UNC13C: variants seen among roughly 807,000 people sequenced by gnomAD.
The protein encoded by UNC13C is protein unc-13 homolog C.
A neutral mutation model predicts 245.4 loss-of-function variants in UNC13C; 174 were observed. The ratio of observed to expected loss-of-function variants is 0.71; its 90% CI spans 0.63 to 0.80. The LOEUF (loss-of-function observed/expected upper bound fraction) is 0.80, where lower values mean the gene tolerates loss of function less well. Ranked by LOEUF, UNC13C falls within the 30% of genes least tolerant of loss-of-function variation. UNC13C has a pLI of 0.00. For missense variants in UNC13C, 2,829 were observed against 2,602.9 expected (o/e 1.09, Z -1.89); for synonymous variants, 992 against 895.1 (o/e 1.11, Z -1.93).
intron 10 of UNC13C, among the ~76,000 whole-genome samples, chr15:54,280,669 C>T (rs539218865): frequency 0.093 from 12,823 of 137,526 alleles, 678 homozygotes; most frequent in South Asian, 0.16. Flanking sequence ...TATATACATA[C>T]ATATACATAT....
Position 54,500,854 on chromosome 15 carries a change from A to G in UNC13C, c.5177A>G (p.His1726Arg). Reference protein sequence around the residue: ...KKDGFQQTSEHALFSCSVVDV... With the variant: ...KKDGFQQTSERALFSCSVVDV... ...CCACAGTTCCAGCAGACATCTGAGC[A>G]TGCTCTCTTTTCTTGCTCCGTGGTT... The change falls in exon 22 of 33, where the codon CAT (histidine) becomes CGT (arginine). Residue 1726 changes from histidine (H) to arginine (R), a missense_variant. His to Arg is a conservative substitution (Grantham distance 29). Coordinates refer to ENST00000260323, the MANE Select transcript of UNC13C (RefSeq NM_001080534.3). The G allele has an allele frequency of 6.2e-7, 1 of 1,612,908 alleles. No homozygotes were observed. The highest frequency in any genetic ancestry group is 8.5e-7 in the Non-Finnish European group (1 of 1,179,224).
chr15:54,002,684 CAA>C (rs1215424043), intron 1 of UNC13C, among the ~76,000 whole-genome samples: 1 of 152,190 alleles, frequency 6.6e-6, no homozygotes, highest in African/African-American at 2.4e-5. Flanking sequence ...ATAATTCTAA[CAA>C]ATGTCAAAAT....
intron 7 of UNC13C, among the ~76,000 whole-genome samples, chr15:54,240,956 C>A (rs754972361): frequency 6.2e-4 from 95 of 152,242 alleles, no homozygotes; most frequent in Middle Eastern, 6.8e-3. Flanking sequence ...TTGTTTCAGA[C>A]TGGAAATAAA....
chr15:54,550,556 A>C (rs1392729216), intron 28 of UNC13C, among the ~76,000 whole-genome samples: 1 of 152,164 alleles, frequency 6.6e-6, no homozygotes, highest in Non-Finnish European at 1.5e-5. Flanking sequence ...AACAAAATGT[A>C]TAATTATTTA....
intron 29 of UNC13C, among the ~76,000 whole-genome samples, chr15:54,562,999 T>A (rs950512039): frequency 2.0e-5 from 3 of 152,076 alleles, no homozygotes; most frequent in African/African-American, 7.2e-5. Flanking sequence ...GAAATCATGT[T>A]GAATTTGAAA....
intron 10 of UNC13C, among the ~76,000 whole-genome samples, chr15:54,266,357 A>T (rs1045852141): frequency 6.6e-6 from 1 of 152,198 alleles, no homozygotes; most frequent in South Asian, 2.1e-4. Flanking sequence ...AGGGATTTGG[A>T]GGATTTCTCC....
At chr15:53,967,983 C>A in the UNC13C span, 1 of 152,052 alleles carries the variant, frequency 6.6e-6, no homozygotes, top group Admixed American at 6.5e-5. Context: ...GTAGAAACTA[C>A]TCAGTACCAA....
At chr15:54,452,988 G>C (rs1279626623) in intron 19 of UNC13C, among the ~76,000 whole-genome samples, 1 of 152,188 alleles carries the variant, frequency 6.6e-6, no homozygotes, top group Non-Finnish European at 1.5e-5. Context: ...TGCAGAGGCT[G>C]TTGGGGCCCA....
chr15:54,631,951 G>T (rs774830544), downstream of UNC13C: 1 of 152,156 alleles, frequency 6.6e-6, no homozygotes, highest in Non-Finnish European at 1.5e-5. Flanking sequence ...TACATTTCCA[G>T]AAGCAATGTA....
chr15:53,996,408 C>T (rs1894636097), intron 1 of UNC13C, among the ~76,000 whole-genome samples: 1 of 152,096 alleles, frequency 6.6e-6, no homozygotes. Context: ...TAACACACTG[C>T]TTAGGCCCTT....
rs572005275 is a variant in UNC13C, at chr15:54,300,487, T to G, written c.4268+114T>G. On this transcript the variant is annotated intron_variant, in intron 13 of 32. Coordinates refer to ENST00000260323, the MANE Select transcript of UNC13C (RefSeq NM_001080534.3). The stretch of plus-strand genomic sequence containing the variant: ...AAACTGATTAAAAAGAGGATTATAT[T>G]TCACTGTGCATGTTTGATGCTGACT... 8.3e-6 allele frequency: 9 copies of G among 1,090,846 alleles called. No homozygotes were observed. The Admixed American group carries it at 1.4e-4, about 17-fold the overall frequency. 67.6% of individuals were successfully genotyped at this position (1,090,846 alleles called of 1,614,324 possible). A position where few individuals can be genotyped will look rare whatever the true frequency, so the allele number is the denominator to read the frequency against.
At chr15:54,180,463 A>C (rs1946529) in intron 4 of UNC13C, among the ~76,000 whole-genome samples, 16,157 of 151,984 alleles carry the variant, frequency 0.11, 1,444 homozygotes, top group African/African-American at 0.24. Flanking sequence ...GATGAACATG[A>C]GAGTGCATTT....
the UNC13C span, among the ~76,000 whole-genome samples, chr15:53,951,330 T>C: frequency 6.6e-6 from 1 of 152,224 alleles, no homozygotes; most frequent in East Asian, 1.9e-4. Context: ...ATCTATCTAA[T>C]GTATAAAGGC....
chr15:53,903,842 ATAG>A, the UNC13C span, among the ~76,000 whole-genome samples: 2 of 792 alleles, frequency 2.5e-3, no homozygotes, highest in South Asian at 0.045. Flanking sequence ...TGACAGCTAC[ATAG>A]CTACATTGGT....
At chr15:54,626,418 T>TA (rs1050330464) in intron 32 of UNC13C, among the ~76,000 whole-genome samples, 1 of 100,768 alleles carries the variant, frequency 9.9e-6, no homozygotes, top group African/African-American at 2.8e-5. Flanking sequence ...GATTTGGAGG[T>TA]AAAGTGCGAG....
chr15:54,621,929 T>C (rs1566944630), intron 30 of UNC13C, among the ~76,000 whole-genome samples: 1 of 152,218 alleles, frequency 6.6e-6, no homozygotes, highest in Non-Finnish European at 1.5e-5. Context: ...CTAACAAAGC[T>C]ACCTTTCTGT....
the UNC13C span, among the ~76,000 whole-genome samples, chr15:53,954,159 G>T: frequency 0.66 from 101,028 of 152,116 alleles, 33,869 homozygotes; most frequent in East Asian, 0.85. Flanking sequence ...TTTACATACA[G>T]AATCTCATTT....
chr15:53,964,056 A>G, the UNC13C span, among the ~76,000 whole-genome samples: 1 of 151,272 alleles, frequency 6.6e-6, no homozygotes, highest in Non-Finnish European at 1.5e-5. Flanking sequence ...GTCTTTACCC[A>G]TTTTTTTTTT....
At chr15:54,299,375 G>A (rs1477633583) in intron 12 of UNC13C, among the ~76,000 whole-genome samples, 2 of 152,084 alleles carry the variant, frequency 1.3e-5, no homozygotes, top group African/African-American at 4.8e-5. Flanking sequence ...TCATTGCCCT[G>A]ACTCTTACCA....
Sources: gnomAD v4.1 joint callset for allele counts (sites outside exome capture counted in the v4.1 genomes callset) on GRCh38, gnomAD v4.1.1 for gene constraint, MANE v1.5 for transcripts, NCBI Gene and HGNC (gene_info 2026-07-23, HGNC 2026-07-21) for gene names.